PPP1R12A: variants seen among roughly 807,000 people sequenced by gnomAD.
PPP1R12A encodes the protein protein phosphatase 1 regulatory subunit 12A, also known as myosin binding subunit.
A neutral mutation model predicts 139.6 loss-of-function variants in PPP1R12A; 19 were observed. The ratio of observed to expected loss-of-function variants is 0.14; its 90% CI spans 0.09 to 0.20. The LOEUF (loss-of-function observed/expected upper bound fraction) is 0.20. PPP1R12A is among the 10% of genes least tolerant of loss of function. The probability of loss-of-function intolerance (pLI) is 1.00; values close to 1 mark genes in which losing one functional copy is unlikely to be tolerated. For missense variants in PPP1R12A, 925 were observed against 1,211.5 expected, an observed-to-expected ratio of 0.76 and a Z score of 3.51; for synonymous variants, 427 against 420.6, an observed-to-expected ratio of 1.02 and a Z score of -0.19.
chr12:79,817,608 T>A lies in PPP1R12A; in HGVS notation c.1115-90A>T. The A allele has an allele frequency of 2.3e-6, 3 of 1,297,904 alleles. No homozygotes were observed. In the South Asian group the frequency reaches 4.6e-5, roughly 20 times the overall value. 80.4% of individuals were successfully genotyped at this position (1,297,904 alleles called of 1,614,324 possible). A position where few individuals can be genotyped will look rare whatever the true frequency, so the allele number is the denominator to read the frequency against. ...AATCATTTTATATTCCATTTTTGTTTAAGGTTTTGTTAACTAAAAGTCTTT... is the reference window on the plus strand; with the variant it reads ...AATCATTTTATATTCCATTTTTGTTAAAGGTTTTGTTAACTAAAAGTCTTT... On this transcript the variant is annotated intron_variant, in intron 8 of 24. Transcript: ENST00000450142.
intron 1 of PPP1R12A, among the ~76,000 whole-genome samples, chr12:79,899,163 A>G (rs1885395608): frequency 6.3e-5 from 1 of 15,952 alleles, no homozygotes; most frequent in South Asian, 1.4e-3. Flanking sequence ...TTTGTCATTA[A>G]TTAGAGTTCA....
At chr12:79,799,179 C>T (rs1244609021) in intron 14 of PPP1R12A, among the ~76,000 whole-genome samples, 1 of 151,928 alleles carries the variant, frequency 6.6e-6, no homozygotes, top group Non-Finnish European at 1.5e-5. Context: ...GACAAAGTCT[C>T]GCTCTGTCGC....
At chr12:79,895,139 A>G (rs1885017903) in intron 1 of PPP1R12A, among the ~76,000 whole-genome samples, 17 of 152,018 alleles carry the variant, frequency 1.1e-4, no homozygotes, top group Admixed American at 1.0e-3. Flanking sequence ...ATATGGGGGG[A>G]AAAGTTTATT....
chr12:79,828,797 A>T (rs149851787), intron 4 of PPP1R12A, among the ~76,000 whole-genome samples: 79 of 152,294 alleles, frequency 5.2e-4, no homozygotes, highest in African/African-American at 1.8e-3. Flanking sequence ...TTTTCAATGT[A>T]AAATCGAAAA....
chr12:79,803,795 GT>G (rs1362512668), intron 14 of PPP1R12A, among the ~76,000 whole-genome samples: 2 of 151,956 alleles, frequency 1.3e-5, no homozygotes, highest in Non-Finnish European at 2.9e-5. Flanking sequence ...ATTAGAATCT[GT>G]TTGTTTAAAA....
intron 1 of PPP1R12A, among the ~76,000 whole-genome samples, chr12:79,895,015 T>G (rs1885007291): frequency 6.6e-6 from 1 of 152,214 alleles, no homozygotes; most frequent in South Asian, 2.1e-4. Context: ...ACGTGAGGAC[T>G]TCTCCCTAGT....
At position 79,805,768 on chromosome 12, in the gene PPP1R12A, A is replaced by G. The variant is rs753317127; in HGVS notation, c.1824T>C (p.Ser608=). 6.2e-7 allele frequency: 1 copy of G among 1,609,280 alleles called. No homozygotes were observed. The highest frequency in any genetic ancestry group is 2.2e-5 in the East Asian group (1 of 44,742). Residue 608 remains serine, a splice_region_variant and synonymous_variant, in exon 14 of 25, where the codon AGT becomes AGC. Coordinates refer to ENST00000450142, the MANE Select transcript of PPP1R12A (RefSeq NM_002480.3). The part of the protein sequence containing the change: ...TGSSSAGTQS[S]TSNRLWAEDS... ...CCTCAGCCCACAAACGATTTGAGGT[A>G]CTATAGCATCATAAGCAGCAACACA...
At position 79,820,085 on chromosome 12, in the gene PPP1R12A, C is replaced by T. The variant is rs1055497595; in HGVS notation, c.1114+689G>A. ...TTGTTATATGTTACATATGAATACA[C>T]ATATGTAAGACTATAAAAATGAACT... On this transcript the variant is annotated intron_variant, in intron 8 of 24. Transcript: ENST00000450142. Among the ~76,000 whole-genome samples, 40 of 151,714 alleles carry T rather than the reference C, an allele frequency of 2.6e-4. 1 individual carries two copies. The highest frequency in any genetic ancestry group is 9.4e-4 in the African/African-American group (39 of 41,322).
chr12:79,861,659 C>T (rs985198046), intron 2 of PPP1R12A, among the ~76,000 whole-genome samples: 8 of 152,300 alleles, frequency 5.3e-5, no homozygotes, highest in African/African-American at 1.9e-4. Context: ...AAAAGATCCC[C>T]TCCCGTGCTT....
At chr12:79,816,735 C>T (rs1875439148) in intron 9 of PPP1R12A, among the ~76,000 whole-genome samples, 1 of 152,174 alleles carries the variant, frequency 6.6e-6, no homozygotes, top group African/African-American at 2.4e-5. Context: ...GCCAGGCTAT[C>T]TCAACCAATC....
chr12:79,900,012 A>G (rs1885491358), intron 1 of PPP1R12A, among the ~76,000 whole-genome samples: 5 of 152,150 alleles, frequency 3.3e-5, no homozygotes, highest in Admixed American at 1.3e-4. Flanking sequence ...CTATTAAACT[A>G]TATGCTTCCT....
rs776780403 is a variant in PPP1R12A at position 79,828,339 on chromosome 12, A to G, written c.773T>C (p.Met258Thr). 1.6e-5 allele frequency: 26 copies of G among 1,611,796 alleles called. No individual in the cohort carries two copies. The highest frequency in any genetic ancestry group is 2.0e-5 in the Non-Finnish European group (23 of 1,178,604). ...CRILVDNLCD[M>T]EMVNKVGQTA... ...GCCTACCACTTTGTTGACCATCTCC[A>G]TATCACACAGATTGTCCACTAAAAT... The change falls in exon 5 of 25, where the codon ATG becomes ACG. Residue 258 changes from methionine (M) to threonine (T), a missense_variant. Around this residue, in one of 4 missense-constraint regions of PPP1R12A, gnomAD observed 199 missense variants for 352.4 expected, o/e 0.56. Transcript: ENST00000450142.
chr12:79,810,973 C>T (rs7974082), intron 9 of PPP1R12A, among the ~76,000 whole-genome samples: 16,887 of 151,848 alleles, frequency 0.11, 1,770 homozygotes, highest in African/African-American at 0.27. Context: ...ATTTTATGTA[C>T]AAATATTTAT....
intron 8 of PPP1R12A, among the ~76,000 whole-genome samples, chr12:79,819,742 G>A (rs1357286935): frequency 6.6e-6 from 1 of 152,116 alleles, no homozygotes; most frequent in Non-Finnish European, 1.5e-5. Context: ...AGGAGTTCAA[G>A]ACTAGCCTCA....
At chr12:79,909,683 G>A (rs1165286270) in intron 1 of PPP1R12A, among the ~76,000 whole-genome samples, 2 of 150,098 alleles carry the variant, frequency 1.3e-5, no homozygotes, top group African/African-American at 4.9e-5. Context: ...GCACTGAGCC[G>A]AGATCACGCT....
At chr12:79,841,109 G>A (rs1287900789) in intron 3 of PPP1R12A, among the ~76,000 whole-genome samples, 1 of 150,422 alleles carries the variant, frequency 6.6e-6, no homozygotes, top group African/African-American at 2.4e-5. Context: ...TGTTGTCCAG[G>A]CTGGAGTGCA....
intron 1 of PPP1R12A, among the ~76,000 whole-genome samples, chr12:79,920,483 T>A (rs553081857): frequency 6.6e-6 from 1 of 152,188 alleles, no homozygotes; most frequent in South Asian, 2.1e-4. Flanking sequence ...CAGCAGTGCA[T>A]GAGGGTTCCA....
chr12:79,935,446 G>C (rs912971284), upstream of PPP1R12A: 1 of 988,584 alleles, frequency 1.0e-6, no homozygotes, highest in Non-Finnish European at 1.2e-6. Flanking sequence ...AGGCTCTACA[G>C]GGCAGATCTG....
rs758268415 is a variant in PPP1R12A at position 79,805,552 on chromosome 12, G to A, written c.2000+40C>T. The A allele has an allele frequency of 4.4e-6, 7 of 1,575,928 alleles. No homozygotes were observed. In the East Asian group the frequency reaches 1.4e-4, roughly 30 times the overall value. Reference sequence around the variant, plus strand: ...AAACAAAAAACAACTTTCATCACTGGGCAAGATATATCAGCAGTACTGTTA... The same window carrying A: ...AAACAAAAAACAACTTTCATCACTGAGCAAGATATATCAGCAGTACTGTTA... On this transcript the variant is annotated intron_variant, in intron 14 of 24. Transcript: ENST00000450142.
Sources: allele counts gnomAD v4.1 joint callset (sites outside exome capture counted in the v4.1 genomes callset), GRCh38; gene constraint gnomAD v4.1.1; regional missense constraint gnomAD v4.1.1; transcripts MANE v1.5; gene names NCBI Gene and HGNC (gene_info 2026-07-23, HGNC 2026-07-21).